The following TANGO6 variants were observed in gnomAD, a reference collection of about 807,000 sequenced individuals.
The protein encoded by TANGO6 is transport and golgi organization 6 homolog.
In TANGO6, 90 loss-of-function variants were observed where a neutral mutation model predicts 114.2. The ratio of observed to expected loss-of-function variants is 0.79; its 90% CI spans 0.66 to 0.94. The LOEUF (loss-of-function observed/expected upper bound fraction) is 0.94. Among genes scored for constraint, TANGO6 ranks in the 40% least tolerant of loss-of-function variants. The probability of loss-of-function intolerance (pLI) is 0.00; values close to 1 mark genes in which losing one functional copy is unlikely to be tolerated. For synonymous variants in TANGO6, 477 were observed against 509.8 expected (o/e 0.94, Z 0.87); for missense variants, 1,274 against 1,315.3 (o/e 0.97, Z 0.49).
At chr16:68,862,388 G>A (rs1962107725) in intron 2 of TANGO6, among the ~76,000 whole-genome samples, 1 of 151,846 alleles carries the variant, frequency 6.6e-6, no homozygotes, top group South Asian at 2.1e-4. Context: ...GTAGAGGCAG[G>A]GTTTTGCCAT....
intron 1 of TANGO6, among the ~76,000 whole-genome samples, chr16:68,845,750 G>A (rs1961792999): frequency 6.6e-6 from 1 of 152,174 alleles, no homozygotes; most frequent in African/African-American, 2.4e-5. Context: ...GAGATGGGAG[G>A]ATTGCTTGAG....
intron 14 of TANGO6, among the ~76,000 whole-genome samples, chr16:68,945,412 G>A (rs1963403415): frequency 6.6e-6 from 1 of 152,056 alleles, no homozygotes; most frequent in Admixed American, 6.5e-5. Flanking sequence ...ACAATAGGGA[G>A]TTTCAGCAGC....
At position 69,054,152 on chromosome 16, in the gene TANGO6, G is replaced by A. The variant is rs575452957; in HGVS notation, c.3108+13731G>A. 3.9e-5 allele frequency among the ~76,000 whole-genome samples: 6 copies of A among 152,316 alleles called. No homozygotes were observed. In the East Asian group the frequency reaches 1.2e-3, roughly 29 times the overall value. ...GAAGATGAGTGGAAAGAGAAGGATG[G>A]AGGTCTCACCATTCAGTGTGTAGAC... On this transcript the variant is annotated intron_variant, in intron 17 of 17. Coordinates refer to ENST00000261778, the MANE Select transcript of TANGO6 (RefSeq NM_024562.2).
At chr16:68,961,353 C>T (rs576685984) in intron 14 of TANGO6, among the ~76,000 whole-genome samples, 1 of 152,328 alleles carries the variant, frequency 6.6e-6, no homozygotes, top group East Asian at 1.9e-4. Flanking sequence ...AGTCCTGCCC[C>T]GCCACATGGC....
At chr16:69,039,544 G>A (rs1022166317) in intron 16 of TANGO6, among the ~76,000 whole-genome samples, 4 of 151,804 alleles carry the variant, frequency 2.6e-5, no homozygotes, top group Non-Finnish European at 5.9e-5. Context: ...GCTGAGGTGG[G>A]AGGGTCACTT....
At chr16:68,877,373 CAGG>C (rs1962381352) in intron 5 of TANGO6, among the ~76,000 whole-genome samples, 1 of 148,542 alleles carries the variant, frequency 6.7e-6, no homozygotes, top group South Asian at 2.1e-4. Flanking sequence ...GAGGCTGGGG[CAGG>C]AGAATTGCTT....
chr16:68,944,916 G>A (rs1963398469), intron 14 of TANGO6, among the ~76,000 whole-genome samples: 2 of 152,218 alleles, frequency 1.3e-5, no homozygotes, highest in African/African-American at 4.8e-5. Flanking sequence ...CACGCCTGAG[G>A]CAGGCAGATC....
intron 7 of TANGO6, among the ~76,000 whole-genome samples, chr16:68,897,869 C>T (rs905869159): frequency 2.6e-5 from 4 of 152,130 alleles, no homozygotes; most frequent in Non-Finnish European, 1.5e-5. Flanking sequence ...TGAGCCACCG[C>T]CCCTGGCCAA....
At chr16:69,014,031 G>C (rs890920616) in intron 15 of TANGO6, among the ~76,000 whole-genome samples, 2 of 152,044 alleles carry the variant, frequency 1.3e-5, no homozygotes, top group Non-Finnish European at 2.9e-5. Flanking sequence ...TGACATTGAG[G>C]TATTCTACAA....
chr16:68,980,270 A>G (rs1370509048), intron 15 of TANGO6, among the ~76,000 whole-genome samples: 1 of 150,822 alleles, frequency 6.6e-6, no homozygotes, highest in East Asian at 1.9e-4. Context: ...GACACACAGA[A>G]GTTTTTAATG....
chr16:68,941,903 A>G (rs1201586822), intron 14 of TANGO6, among the ~76,000 whole-genome samples: 2 of 152,156 alleles, frequency 1.3e-5, no homozygotes, highest in Admixed American at 6.6e-5. Context: ...GGATTTCTTG[A>G]GCCCAGGAGT....
At chr16:69,016,259 G>C (rs183193490) in intron 15 of TANGO6, among the ~76,000 whole-genome samples, 2 of 152,148 alleles carry the variant, frequency 1.3e-5, no homozygotes, top group African/African-American at 4.8e-5. Flanking sequence ...TTAGCCAGGC[G>C]TGGTGGCACA....
At chr16:68,998,300 G>A (rs1964011188) in intron 15 of TANGO6, among the ~76,000 whole-genome samples, 1 of 152,256 alleles carries the variant, frequency 6.6e-6, no homozygotes, top group Middle Eastern at 3.4e-3. Context: ...GGAGTAAGCA[G>A]GATCAGTCTA....
chr16:69,020,900 ATG>A (rs764050755), intron 15 of TANGO6, among the ~76,000 whole-genome samples: 2 of 126,408 alleles, frequency 1.6e-5, no homozygotes, highest in Non-Finnish European at 3.3e-5. Flanking sequence ...TTATATATGT[ATG>A]TATGTGTGTG....
intron 16 of TANGO6, among the ~76,000 whole-genome samples, chr16:69,030,498 T>G (rs1959576267): frequency 6.6e-6 from 1 of 151,810 alleles, no homozygotes; most frequent in African/African-American, 2.4e-5. Context: ...CTGACATGTT[T>G]AGGAAGGTTC....
intron 15 of TANGO6, among the ~76,000 whole-genome samples, chr16:69,012,579 GGAAAAAAAAAAA>G (rs1964153225): frequency 9.0e-6 from 1 of 111,264 alleles, no homozygotes; most frequent in Non-Finnish European, 1.9e-5. Flanking sequence ...AAAAAAAAAA[GGAAAAAAAAAAA>G]AAAGAAAGAA....
chr16:69,039,546 G>A (rs1959742777), intron 16 of TANGO6, among the ~76,000 whole-genome samples: 1 of 151,758 alleles, frequency 6.6e-6, no homozygotes, highest in South Asian at 2.1e-4. Flanking sequence ...TGAGGTGGGA[G>A]GGTCACTTGT....
rs193191421 is a variant in TANGO6 at position 68,912,311 on chromosome 16, A to T, written c.1992+2909A>T. On this transcript the variant is annotated intron_variant, in intron 11 of 17. Transcript: ENST00000261778. ...CCACGAGTTCGAGACCAGCCTGGGCAACATGGCAAAACCTCACCTCTACTG... is the reference window on the plus strand; with the variant it reads ...CCACGAGTTCGAGACCAGCCTGGGCTACATGGCAAAACCTCACCTCTACTG... Among the ~76,000 whole-genome samples the T allele has an allele frequency of 5.1e-4, 78 of 152,302 alleles. No individual in the cohort carries two copies. The Middle Eastern group carries it at 0.01, about 20-fold the overall frequency.
chr16:69,026,149 CCA>C (rs1463445533), intron 16 of TANGO6: 2 of 152,236 alleles, frequency 1.3e-5, no homozygotes, highest in African/African-American at 4.8e-5. Context: ...CTACAGGCGC[CCA>C]TCACCACACC....
Sources: allele counts gnomAD v4.1 joint callset (sites outside exome capture counted in the v4.1 genomes callset), GRCh38; gene constraint gnomAD v4.1.1; transcripts MANE v1.5; gene names NCBI Gene and HGNC (gene_info 2026-07-23, HGNC 2026-07-21).